GRB10: variants seen among roughly 807,000 people sequenced by gnomAD.
The protein encoded by GRB10 is growth factor receptor bound protein 10, also known as growth factor receptor-bound protein 10.
A neutral mutation model predicts 80.9 loss-of-function variants in GRB10; 20 were observed. The observed-to-expected ratio is 0.25, with a 90% CI of 0.17 to 0.36. The LOEUF (loss-of-function observed/expected upper bound fraction) is 0.36. Among genes scored for constraint, GRB10 ranks in the 10% least tolerant of loss-of-function variants. The probability of loss-of-function intolerance (pLI) is 1.00; values close to 1 mark genes in which losing one functional copy is unlikely to be tolerated. For missense variants in GRB10, 548 were observed against 747.7 expected, an observed-to-expected ratio of 0.73 and a Z score of 3.12; for synonymous variants, 291 against 291.5, an observed-to-expected ratio of 1.00 and a Z score of 0.02.
At chr7:50,683,892 G>T (rs1351903618) in intron 5 of GRB10, among the ~76,000 whole-genome samples, 1 of 152,152 alleles carries the variant, frequency 6.6e-6, no homozygotes, top group South Asian at 2.1e-4. Flanking sequence ...ATGCCAAGCA[G>T]ATTGGCTTGT....
Position 50,773,459 on chromosome 7 carries a change from A to AC in GRB10, c.-217+7167_-217+7168insG, listed in dbSNP as rs1562682094. Among the ~76,000 whole-genome samples, 34 of 14,058 alleles carry AC rather than the reference A, an allele frequency of 2.4e-3. 2 individuals carry two copies. Among genetic ancestry groups the AC allele is most frequent in the African/African-American group, 9.5e-3 (30 of 3,158 alleles). 9.2% of individuals were successfully genotyped at this position (14,058 alleles called of 152,430 possible). On this transcript the variant is annotated intron_variant, in intron 2 of 18. Coordinates refer to ENST00000401949, the MANE Select transcript of GRB10 (RefSeq NM_001350814.2). ...AAGGGGAGAAAGGGGAAGGGAGGGG[A>AC]GGGGAAGGCAGGGGAGGGGAAGGCA...
intron 5 of GRB10, among the ~76,000 whole-genome samples, chr7:50,681,728 A>G (rs2715133): frequency 0.77 from 117,792 of 152,238 alleles, 45,926 homozygotes; most frequent in East Asian, 0.91. Flanking sequence ...TTCAAAATGC[A>G]AAAGTAAACA....
At chr7:50,737,159 T>C (rs1287497288) in intron 3 of GRB10, among the ~76,000 whole-genome samples, 1 of 152,206 alleles carries the variant, frequency 6.6e-6, no homozygotes, top group African/African-American at 2.4e-5. Context: ...AAACCCAGAA[T>C]ATATAAATGA....
intron 5 of GRB10, among the ~76,000 whole-genome samples, chr7:50,680,511 C>A (rs1178257914): frequency 6.6e-6 from 1 of 152,194 alleles, no homozygotes; most frequent in Non-Finnish European, 1.5e-5. Context: ...AGAGTCGTGG[C>A]CTATGCTAAT....
At chr7:50,605,081 G>A (rs1023764352) in intron 15 of GRB10, 21 of 592,116 alleles carry the variant, frequency 3.5e-5, no homozygotes, top group Middle Eastern at 4.5e-4. Context: ...GAAAGCCCAG[G>A]GGACAGGGGA....
chr7:50,648,976 C>T (rs1038787479), intron 7 of GRB10, among the ~76,000 whole-genome samples: 3 of 152,078 alleles, frequency 2.0e-5, no homozygotes, highest in Admixed American at 1.3e-4. Context: ...TGAGTGGCCA[C>T]GGGACTTGGG....
chr7:50,623,047 T>C (rs1449426379), intron 8 of GRB10, among the ~76,000 whole-genome samples: 2 of 152,226 alleles, frequency 1.3e-5, no homozygotes, highest in Non-Finnish European at 2.9e-5. Flanking sequence ...GAAGCTGCCC[T>C]GGCTAAGGTG....
intron 17 of GRB10, among the ~76,000 whole-genome samples, chr7:50,597,813 T>C (rs1004379351): frequency 1.3e-5 from 2 of 152,250 alleles, no homozygotes; most frequent in Admixed American, 1.3e-4. Flanking sequence ...CTTCATCATC[T>C]TGGGCAACTT....
intron 13 of GRB10, chr7:50,606,641 T>G (rs906181315): frequency 2.3e-5 from 13 of 565,548 alleles, no homozygotes; most frequent in Non-Finnish European, 3.8e-5. Flanking sequence ...CCCCCAAAAC[T>G]TACCTACTAG....
intron 18 of GRB10, among the ~76,000 whole-genome samples, chr7:50,594,856 G>A (rs768351222): frequency 1.6e-4 from 25 of 152,160 alleles, no homozygotes; most frequent in Admixed American, 7.9e-4. Flanking sequence ...TTCAAAGGGA[G>A]AATGGTCTTT....
chr7:50,644,143 G>C (rs183449659), intron 7 of GRB10, among the ~76,000 whole-genome samples: 7 of 152,210 alleles, frequency 4.6e-5, no homozygotes, highest in Non-Finnish European at 1.0e-4. Flanking sequence ...CACTATCCCG[G>C]ATATTTATGT....
In GRB10 at chr7:50,595,425, A is replaced by G. The variant is rs1290718842; in HGVS notation, c.1638+12T>C. On this transcript the variant is annotated intron_variant, in intron 18 of 18. Coordinates refer to ENST00000401949, the MANE Select transcript of GRB10 (RefSeq NM_001350814.2). ...AAACCACAAGGACTGGTCTGAGAAC[A>G]TCAATACTTACAGGTAAGATCTGGA... 2.9e-6 allele frequency: 4 copies of G among 1,378,050 alleles called. No individual in the cohort carries two copies. Among genetic ancestry groups the G allele is most frequent in the Non-Finnish European group, 4.1e-6 (4 of 964,864 alleles). The allele number at this position is 1,378,050 out of a possible 1,614,324, so 85.4% of individuals were successfully genotyped here. A position where few individuals can be genotyped will look rare whatever the true frequency, so the allele number is the denominator to read the frequency against.
chr7:50,748,991 G>A (rs1370005722), intron 3 of GRB10, among the ~76,000 whole-genome samples: 1 of 152,190 alleles, frequency 6.6e-6, no homozygotes, highest in Non-Finnish European at 1.5e-5. Context: ...TCTCTCACCT[G>A]TAAAAGGGTG....
chr7:50,640,486 C>T (rs2056031468), intron 7 of GRB10, among the ~76,000 whole-genome samples: 1 of 152,172 alleles, frequency 6.6e-6, no homozygotes, highest in Admixed American at 6.5e-5. Flanking sequence ...AGTCCTGTGC[C>T]CCTCCACCCT....
chr7:50,701,362 C>T (rs1302960741), intron 5 of GRB10, among the ~76,000 whole-genome samples: 1 of 152,096 alleles, frequency 6.6e-6, no homozygotes, highest in African/African-American at 2.4e-5. Flanking sequence ...TTCCAGTGGT[C>T]GACATGGGAG....
intron 3 of GRB10, among the ~76,000 whole-genome samples, chr7:50,754,336 T>G (rs1219788248): frequency 6.6e-6 from 1 of 152,224 alleles, no homozygotes; most frequent in Non-Finnish European, 1.5e-5. Context: ...CTACCTTCAC[T>G]CAACTATGCT....
intron 13 of GRB10, among the ~76,000 whole-genome samples, chr7:50,607,410 TG>T (rs1217704046): frequency 6.6e-6 from 1 of 152,206 alleles, no homozygotes; most frequent in Non-Finnish European, 1.5e-5. Flanking sequence ...ACATTCAATA[TG>T]GTGCATGCCT....
chr7:50,715,261 G>A (rs935011462), intron 4 of GRB10, among the ~76,000 whole-genome samples: 1 of 151,606 alleles, frequency 6.6e-6, no homozygotes, highest in African/African-American at 2.4e-5. Context: ...GCAGCTTCCA[G>A]GTGCAAGCAG....
At chr7:50,698,157 TTTA>T (rs140537871) in intron 5 of GRB10, among the ~76,000 whole-genome samples, 6,147 of 152,336 alleles carry the variant, frequency 0.04, 214 homozygotes, top group East Asian at 0.17. Flanking sequence ...TTTATCTTAT[TTTA>T]TTTATAGGAT....
Sources: gnomAD v4.1 joint callset for allele counts (sites outside exome capture counted in the v4.1 genomes callset) on GRCh38, gnomAD v4.1.1 for gene constraint, MANE v1.5 for transcripts, NCBI Gene and HGNC (gene_info 2026-07-23, HGNC 2026-07-21) for gene names.